The following CADM2 variants were observed in gnomAD, a reference collection of about 807,000 sequenced individuals.
CADM2 encodes immunoglobulin superfamily member 4D.
A neutral mutation model predicts 49.8 loss-of-function variants in CADM2; 12 were observed. That is an observed-to-expected ratio of 0.24 (90% CI 0.15 to 0.39). CADM2 has a LOEUF of 0.39. Ranked by LOEUF, CADM2 falls within the 10% of genes least tolerant of loss-of-function variation. The pLI, the probability that CADM2 is intolerant of heterozygous loss-of-function variation, is 1.00. For synonymous variants in CADM2, 214 were observed against 175.4 expected, an observed-to-expected ratio of 1.22 and a Z score of -1.74; for missense variants, 378 against 492.3, an observed-to-expected ratio of 0.77 and a Z score of 2.20.
In CADM2 at chr3:85,893,851, G is replaced by A. The variant is rs1241853132; in HGVS notation, c.529+7524G>A. 7.9e-5 allele frequency among the ~76,000 whole-genome samples: 12 copies of A among 152,200 alleles called. No homozygotes were observed. The East Asian group carries it at 2.3e-3, about 30-fold the overall frequency. ...TCATTAAAAAGTCAGGAAACAACAGGTGCTAGAGAGGATGTGGAGAAATAG... is the reference window on the plus strand; with the variant it reads ...TCATTAAAAAGTCAGGAAACAACAGATGCTAGAGAGGATGTGGAGAAATAG... On this transcript the variant is annotated intron_variant, in intron 5 of 9. Coordinates refer to ENST00000383699, the MANE Select transcript of CADM2 (RefSeq NM_001167675.2).
intron 2 of CADM2, among the ~76,000 whole-genome samples, chr3:85,780,410 A>G (rs1328968378): frequency 2.0e-5 from 3 of 152,350 alleles, no homozygotes; most frequent in East Asian, 1.9e-4. Context: ...AGAAAAGTCT[A>G]CTGGGTCACA....
At chr3:85,793,999 C>A (rs939288365) in intron 2 of CADM2, among the ~76,000 whole-genome samples, 10 of 152,084 alleles carry the variant, frequency 6.6e-5, no homozygotes, top group African/African-American at 2.4e-4. Context: ...CTATTTTTCC[C>A]TTTAAGGTGC....
At chr3:85,300,015 T>C (rs1485544383) in intron 1 of CADM2, among the ~76,000 whole-genome samples, 1 of 152,112 alleles carries the variant, frequency 6.6e-6, no homozygotes, top group Non-Finnish European at 1.5e-5. Flanking sequence ...TTTCTAAAAA[T>C]TGTTATTATT....
At chr3:85,124,257 A>G (rs2038956398) in intron 1 of CADM2, among the ~76,000 whole-genome samples, 1 of 152,224 alleles carries the variant, frequency 6.6e-6, no homozygotes, top group Non-Finnish European at 1.5e-5. Flanking sequence ...ATTTACATAT[A>G]CAGATATTCC....
chr3:85,459,664 A>G (rs13068434), intron 1 of CADM2, among the ~76,000 whole-genome samples: 25,298 of 152,240 alleles, frequency 0.17, 2,647 homozygotes, highest in Non-Finnish European at 0.23. Context: ...TTCTCTTACT[A>G]TGTTATAATT....
chr3:85,598,944 CTG>C (rs1305216356), intron 1 of CADM2, among the ~76,000 whole-genome samples: 1 of 151,650 alleles, frequency 6.6e-6, no homozygotes, highest in South Asian at 2.1e-4. Flanking sequence ...TAGAAGAACT[CTG>C]TAGTATGAAA....
At chr3:85,840,850 T>G (rs549687499) in intron 3 of CADM2, among the ~76,000 whole-genome samples, 5 of 151,956 alleles carry the variant, frequency 3.3e-5, no homozygotes, top group African/African-American at 1.2e-4. Flanking sequence ...TATTTATTCA[T>G]GTGACTTGAA....
Position 85,550,978 on chromosome 3 carries a change from G to GTTTATTTA in CADM2, c.62-175528_62-175521dup, listed in dbSNP as rs570441969. ...TTTTAATTTATTTATTTGTTTGTTT[G>GTTTATTTA]TTTATTTATTTATTTATTTATTTGA... On this transcript the variant is annotated intron_variant, in intron 1 of 9. Coordinates refer to ENST00000383699, the MANE Select transcript of CADM2 (RefSeq NM_001167675.2). 3.1e-3 allele frequency among the ~76,000 whole-genome samples: 356 copies of GTTTATTTA among 115,364 alleles called. 3 individuals are homozygous for GTTTATTTA. The highest frequency in any genetic ancestry group is 8.8e-3 in the African/African-American group (333 of 37,986). The allele number at this position is 115,364 out of a possible 152,430, so 75.7% of individuals were successfully genotyped here.
chr3:85,980,859 T>A (rs1030996703), intron 8 of CADM2, among the ~76,000 whole-genome samples: 5 of 151,486 alleles, frequency 3.3e-5, no homozygotes, highest in Non-Finnish European at 5.9e-5. Context: ...TGACTTTTTT[T>A]AAAAGATCCA....
chr3:85,220,573 G>T (rs999583376), intron 1 of CADM2, among the ~76,000 whole-genome samples: 3 of 152,030 alleles, frequency 2.0e-5, no homozygotes, highest in Non-Finnish European at 2.9e-5. Flanking sequence ...AACAGTCATT[G>T]GCCACATTGA....
chr3:85,294,434 A>G (rs1036544074), intron 1 of CADM2, among the ~76,000 whole-genome samples: 2 of 151,886 alleles, frequency 1.3e-5, no homozygotes, highest in Non-Finnish European at 2.9e-5. Flanking sequence ...AATTGGAAAA[A>G]ACTACTTTAA....
chr3:85,244,218 AT>A (rs1200645416), intron 1 of CADM2, among the ~76,000 whole-genome samples: 1 of 152,126 alleles, frequency 6.6e-6, no homozygotes, highest in African/African-American at 2.4e-5. Flanking sequence ...TCTCTAGTTT[AT>A]CATAACAAAT....
intron 1 of CADM2, among the ~76,000 whole-genome samples, chr3:85,702,315 T>A (rs2066805540): frequency 6.6e-6 from 1 of 152,166 alleles, no homozygotes; most frequent in Admixed American, 6.6e-5. Context: ...TTATTTTTTT[T>A]CCTTTTCCTC....
chr3:85,318,126 C>T (rs1169118361), intron 1 of CADM2, among the ~76,000 whole-genome samples: 3 of 150,328 alleles, frequency 2.0e-5, no homozygotes, highest in Admixed American at 6.6e-5. Context: ...GCCATGATCC[C>T]GCCACTGCAC....
intron 3 of CADM2, among the ~76,000 whole-genome samples, chr3:85,845,181 CAAAGA>C (rs1357568255): frequency 2.7e-5 from 4 of 146,402 alleles, no homozygotes; most frequent in Non-Finnish European, 6.0e-5. Context: ...AAAAGAAGAG[CAAAGA>C]AAAGAAAAGA....
At chr3:85,664,477 C>G (rs2065504035) in intron 1 of CADM2, among the ~76,000 whole-genome samples, 1 of 151,968 alleles carries the variant, frequency 6.6e-6, no homozygotes, top group Non-Finnish European at 1.5e-5. Context: ...TTCAATTACA[C>G]CCTACATCAG....
intron 1 of CADM2, among the ~76,000 whole-genome samples, chr3:85,330,960 T>A (rs1282515582): frequency 6.6e-6 from 1 of 152,114 alleles, no homozygotes; most frequent in East Asian, 1.9e-4. Flanking sequence ...AGACCCTGTC[T>A]CAAAAATAAT....
chr3:85,658,585 T>C (rs1438279207), intron 1 of CADM2, among the ~76,000 whole-genome samples: 6 of 87,434 alleles, frequency 6.9e-5, no homozygotes, highest in African/African-American at 2.9e-4. Context: ...TGTATATATA[T>C]ATATATATAT....
intron 1 of CADM2, among the ~76,000 whole-genome samples, chr3:85,290,163 T>A (rs1457079326): frequency 6.6e-6 from 1 of 151,816 alleles, no homozygotes; most frequent in Non-Finnish European, 1.5e-5. Flanking sequence ...CCTTTCCGAG[T>A]CAAAGAAAGG....
Sources: gnomAD v4.1 joint callset for allele counts (sites outside exome capture counted in the v4.1 genomes callset) on GRCh38, gnomAD v4.1.1 for gene constraint, MANE v1.5 for transcripts, NCBI Gene and HGNC (gene_info 2026-07-23, HGNC 2026-07-21) for gene names.